The following HNRNPA2B1 variants were observed in gnomAD, a reference collection of about 807,000 sequenced individuals.
HNRNPA2B1 encodes the protein heterogeneous nuclear ribonucleoproteins A2/B1.
HNRNPA2B1 carries 3 observed loss-of-function variants against 46.3 expected under a neutral mutation model. The ratio of observed to expected loss-of-function variants is 0.06; its 90% CI spans 0.03 to 0.17. The LOEUF (loss-of-function observed/expected upper bound fraction) is 0.17, where lower values mean the gene tolerates loss of function less well. HNRNPA2B1 is among the 10% of genes least tolerant of loss of function. HNRNPA2B1 has a pLI of 1.00. For synonymous variants in HNRNPA2B1, 225 were observed against 133.8 expected (o/e 1.68, Z -4.70); for missense variants, 221 against 418.9 (o/e 0.53, Z 4.12).
In HNRNPA2B1 at chr7:26,197,475, G is replaced by T; in HGVS notation, c.118-14C>A. 2 of 1,611,834 alleles carry T rather than the reference G, an allele frequency of 1.2e-6. No individual in the cohort carries two copies. Among genetic ancestry groups the T allele is most frequent in the Non-Finnish European group, 1.7e-6 (2 of 1,179,016 alleles). ...ATCCCTCATTACCTTTCAAACCAAA[G>T]GGTAAACTTTAGCATTTAATCTCAT... On this transcript the variant is annotated splice_polypyrimidine_tract_variant and intron_variant, in intron 2 of 10. Coordinates refer to ENST00000618183, the MANE Select transcript of HNRNPA2B1 (RefSeq NM_002137.4).
At position 26,192,265 on chromosome 7, in the gene HNRNPA2B1, CATT is replaced by C. The variant is rs1297800925; in HGVS notation, c.*92_*94del. On this transcript the variant is annotated 3_prime_UTR_variant, in exon 11 of 11. Coordinates refer to ENST00000618183, the MANE Select transcript of HNRNPA2B1 (RefSeq NM_002137.4). Reference sequence around the variant, plus strand: ...ATGACTGAGATAAGAGTTTCCTTAACATTGTTATTTCGATAACCTGAAGCTGTT... The same window carrying C: ...ATGACTGAGATAAGAGTTTCCTTAACGTTATTTCGATAACCTGAAGCTGTT... The C allele has an allele frequency of 3.9e-5, 18 of 459,396 alleles. No individual in the cohort carries two copies. The allele number at this position is 459,396 out of a possible 1,614,324, so 28.5% of individuals were successfully genotyped here.
At chr7:26,194,602 G>A (rs1783300743) in intron 7 of HNRNPA2B1, among the ~76,000 whole-genome samples, 1 of 151,444 alleles carries the variant, frequency 6.6e-6, no homozygotes, top group Non-Finnish European at 1.5e-5. Context: ...CCAGGAGGCT[G>A]AGGTGGGAGG....
intron 7 of HNRNPA2B1, among the ~76,000 whole-genome samples, chr7:26,194,875 C>T (rs1215340531): frequency 6.6e-6 from 1 of 151,292 alleles, no homozygotes; most frequent in East Asian, 1.9e-4. Flanking sequence ...GTGGGCAGTT[C>T]ACGAGGTCAG....
rs772119326 is a variant in HNRNPA2B1, at chr7:26,192,507, G to A, written c.*9C>T. The A allele has an allele frequency of 3.1e-6, 5 of 1,610,878 alleles. No homozygotes were observed. The South Asian group carries it at 5.5e-5, about 18-fold the overall frequency. ...AAAAGCTACTTACCCATGGCAAATAGGAAGAAGCTCAGTATCGGCTCCTCC... is the reference window on the plus strand; with the variant it reads ...AAAAGCTACTTACCCATGGCAAATAAGAAGAAGCTCAGTATCGGCTCCTCC... On this transcript the variant is annotated 3_prime_UTR_variant, in exon 10 of 11. Coordinates refer to ENST00000618183, the MANE Select transcript of HNRNPA2B1 (RefSeq NM_002137.4).
chr7:26,195,443 G>C (rs1024637507), intron 7 of HNRNPA2B1, among the ~76,000 whole-genome samples: 1 of 152,196 alleles, frequency 6.6e-6, no homozygotes, highest in Non-Finnish European at 1.5e-5. Context: ...TACGCTTTTT[G>C]AAAGTTATCC....
At position 26,191,331 on chromosome 7, in the gene HNRNPA2B1, G is replaced by A. The variant is rs984681477; in HGVS notation, c.*1029C>T. The A allele has an allele frequency of 5.9e-5, 9 of 152,038 alleles. No individual in the cohort carries two copies. The highest frequency in any genetic ancestry group is 1.9e-4 in the African/African-American group (8 of 41,384). 9.4% of individuals were successfully genotyped at this position (152,038 alleles called of 1,614,324 possible). A position where few individuals can be genotyped will look rare whatever the true frequency, so the allele number is the denominator to read the frequency against. ...TCAATTTATAGCTATGTTAAACTAC[G>A]TAAGAACCACTATACTGAAAGACCA... On this transcript the variant is annotated 3_prime_UTR_variant, in exon 11 of 11. Coordinates refer to ENST00000618183, the MANE Select transcript of HNRNPA2B1 (RefSeq NM_002137.4).
At chr7:26,192,647 T>C (rs1783030547) in intron 9 of HNRNPA2B1, 70 bp from the exon 10 acceptor site, 7 of 1,232,408 alleles carry the variant, frequency 5.7e-6, no homozygotes, top group East Asian at 2.3e-5. Context: ...AACACTACAG[T>C]TGATTCTATT....
intron 1 of HNRNPA2B1, chr7:26,198,071 T>C (rs545583719): frequency 7.5e-6 from 3 of 401,674 alleles, no homozygotes; most frequent in African/African-American, 4.1e-5. Context: ...ATGTAGACCG[T>C]GATTATCAAA....
At chr7:26,198,060 A>C in intron 1 of HNRNPA2B1, 1 of 415,196 alleles carries the variant, frequency 2.4e-6, no homozygotes, top group Non-Finnish European at 4.2e-6. Context: ...AAAATAAACA[A>C]ATGTAGACCG....
intron 6 of HNRNPA2B1, 68 bp from the exon 7 acceptor site, chr7:26,195,977 C>T: frequency 2.6e-6 from 4 of 1,528,802 alleles, no homozygotes; most frequent in Non-Finnish European, 3.5e-6. Context: ...TATTCATTTT[C>T]AGTTCTCTTA....
rs758794985 is a variant in HNRNPA2B1 at position 26,192,593 on chromosome 7, C to T, written c.965-16G>A. ...CCATAGTTTCCTATAATTGTTGGAACAGCAAGAGAAAACAAACTTACTTTG... is the reference window on the plus strand; with the variant it reads ...CCATAGTTTCCTATAATTGTTGGAATAGCAAGAGAAAACAAACTTACTTTG... On this transcript the variant is annotated splice_polypyrimidine_tract_variant and intron_variant, in intron 9 of 10. Transcript: ENST00000618183. The T allele has an allele frequency of 5.0e-6, 8 of 1,611,268 alleles. No homozygotes were observed. The East Asian group carries it at 1.1e-4, about 22-fold the overall frequency.
Position 26,194,101 on chromosome 7 carries a change from A to G in HNRNPA2B1, c.722-407T>C, listed in dbSNP as rs577869114. Among the ~76,000 whole-genome samples the G allele has an allele frequency of 3.9e-5, 6 of 152,332 alleles. No individual in the cohort carries two copies. In the East Asian group the frequency reaches 1.2e-3, roughly 29 times the overall value. On this transcript the variant is annotated intron_variant, in intron 7 of 10. Transcript: ENST00000618183. ...GTCTCTCTACGAATTACATATCTTAAAACAATGTTCTCGGTTGGGCACAGT... is the reference window on the plus strand; with the variant it reads ...GTCTCTCTACGAATTACATATCTTAGAACAATGTTCTCGGTTGGGCACAGT...
rs751296046 is a variant in HNRNPA2B1 at position 26,196,444 on chromosome 7, T to C, written c.615A>G (p.Gly205=). 7 of 1,614,030 alleles carry C rather than the reference T, an allele frequency of 4.3e-6. No individual in the cohort carries two copies. In the African/African-American group the frequency reaches 6.7e-5, roughly 15 times the overall value. The change falls in exon 6 of 11, where the codon GGA becomes GGG. Residue 205 remains glycine, a synonymous_variant. Coordinates refer to ENST00000618183, the MANE Select transcript of HNRNPA2B1 (RefSeq NM_002137.4). ...FGFGDSRGGG[G]NFGPGPGSNF... ...TACTTCCTGGTCCTGGTCCGAAATTTCCACCGCCACCACGTGAATCCCCAA... is the reference window on the plus strand; with the variant it reads ...TACTTCCTGGTCCTGGTCCGAAATTCCCACCGCCACCACGTGAATCCCCAA...
chr7:26,193,791 T>C, intron 7 of HNRNPA2B1, 97 bp from the exon 8 acceptor site: 3 of 1,052,472 alleles, frequency 2.9e-6, no homozygotes, highest in South Asian at 2.8e-5. Context: ...AGTTTCCATG[T>C]GAAATATTTA....
In HNRNPA2B1 at chr7:26,199,964, G is replaced by C. The variant is rs188822196; in HGVS notation, c.6+608C>G. The C allele has an allele frequency of 3.9e-5, 6 of 153,536 alleles. No individual in the cohort carries two copies. The East Asian group carries it at 1.2e-3, about 30-fold the overall frequency. The allele number at this position is 153,536 out of a possible 1,614,324, so 9.5% of individuals were successfully genotyped here. The stretch of plus-strand genomic sequence containing the variant: ...TGAGCGCCTTTAATGAGGTGCGCAG[G>C]ACTCTAAAGATCCAAGCTCACAAAA... On this transcript the variant is annotated intron_variant, in intron 1 of 10. Coordinates refer to ENST00000618183, the MANE Select transcript of HNRNPA2B1 (RefSeq NM_002137.4).
Position 26,196,665 on chromosome 7 carries a change from T to A in HNRNPA2B1, c.476-7A>T, listed in dbSNP as rs1160662631. 5 of 1,608,796 alleles carry A rather than the reference T, an allele frequency of 3.1e-6. No homozygotes were observed. Among genetic ancestry groups the A allele is most frequent in the Non-Finnish European group, 4.2e-6 (5 of 1,176,546 alleles). Reference sequence around the variant, plus strand: ...ATGGTATGGTATTTCTGCACTGGAATGAAAAATTCAGACTCCTTTTAAATT... The same window carrying A: ...ATGGTATGGTATTTCTGCACTGGAAAGAAAAATTCAGACTCCTTTTAAATT... On this transcript the variant is annotated splice_polypyrimidine_tract_variant and splice_region_variant and intron_variant, in intron 4 of 10. Transcript: ENST00000618183.
rs9807 is a variant in HNRNPA2B1, at chr7:26,191,985, A to G, written c.*375T>C. 1 of 152,870 alleles carries G rather than the reference A, an allele frequency of 6.5e-6. No homozygotes were observed. Among genetic ancestry groups the G allele is most frequent in the African/African-American group, 2.4e-5 (1 of 41,586 alleles). The allele number at this position is 152,870 out of a possible 1,614,324, so 9.5% of individuals were successfully genotyped here. On this transcript the variant is annotated 3_prime_UTR_variant, in exon 11 of 11. Transcript: ENST00000618183. The stretch of plus-strand genomic sequence containing the variant: ...TAATAGCTTTTCAAAACTTTGAGAA[A>G]AATCTTAAAAAAGGTTTCACATGTC...
chr7:26,198,322 G>A (rs1432958157), intron 1 of HNRNPA2B1: 1 of 152,976 alleles, frequency 6.5e-6, no homozygotes, highest in Non-Finnish European at 1.5e-5. Flanking sequence ...TTCTCCATAT[G>A]ACTCTCAGTT....
At chr7:26,197,106 G>T (rs1440476545) in intron 3 of HNRNPA2B1, 89 bp from the exon 4 acceptor site, 1 of 1,149,762 alleles carries the variant, frequency 8.7e-7, no homozygotes, top group Non-Finnish European at 1.3e-6. Flanking sequence ...TACTTCGCTT[G>T]TATCCACCTT....
Sources: gnomAD v4.1 joint callset for allele counts (sites outside exome capture counted in the v4.1 genomes callset) on GRCh38, gnomAD v4.1.1 for gene constraint, MANE v1.5 for transcripts, NCBI Gene and HGNC (gene_info 2026-07-23, HGNC 2026-07-21) for gene names.